The following PACRG variants were observed in gnomAD, a reference collection of about 807,000 sequenced individuals.
PACRG encodes parkin coregulated gene protein.
In PACRG, 29 loss-of-function variants were observed where a neutral mutation model predicts 29.7. The ratio of observed to expected loss-of-function variants is 0.98; its 90% CI spans 0.73 to 1.33. The LOEUF is 1.33. PACRG is among the 40% of genes most tolerant of loss of function. The pLI is 0.00. For missense variants in PACRG, 279 were observed against 316.2 expected, an observed-to-expected ratio of 0.88 and a Z score of 0.89; for synonymous variants, 116 against 118.7, an observed-to-expected ratio of 0.98 and a Z score of 0.15.
chr6:163,176,643 G>T (rs536300075), intron 4 of PACRG, among the ~76,000 whole-genome samples: 1 of 152,186 alleles, frequency 6.6e-6, no homozygotes, highest in Non-Finnish European at 1.5e-5. Context: ...CAAAGTTAAC[G>T]TATGTGGTAG....
chr6:162,978,764 C>T (rs1372068402), intron 2 of PACRG, among the ~76,000 whole-genome samples: 1 of 152,078 alleles, frequency 6.6e-6, no homozygotes, highest in Non-Finnish European at 1.5e-5. Flanking sequence ...AAATTAAACA[C>T]AGACTATATT....
chr6:162,846,762 A>AT (rs1441332037), intron 2 of PACRG, among the ~76,000 whole-genome samples: 5 of 152,208 alleles, frequency 3.3e-5, no homozygotes, highest in African/African-American at 4.8e-5. Context: ...GTGTGAAATA[A>AT]TCTTGGCAAT....
intron 3 of PACRG, among the ~76,000 whole-genome samples, chr6:163,078,459 G>A (rs771597095): frequency 1.4e-5 from 2 of 147,094 alleles, no homozygotes; most frequent in African/African-American, 5.0e-5. Context: ...GCTGCACTGC[G>A]CTCCAGCCTG....
chr6:163,082,212 T>A (rs1306739135), intron 3 of PACRG, among the ~76,000 whole-genome samples: 1 of 152,124 alleles, frequency 6.6e-6, no homozygotes, highest in African/African-American at 2.4e-5. Context: ...AGGATCTATG[T>A]GAAAAAATAC....
At chr6:163,197,665 T>G (rs770369856) in intron 4 of PACRG, among the ~76,000 whole-genome samples, 7 of 151,914 alleles carry the variant, frequency 4.6e-5, no homozygotes, top group Non-Finnish European at 1.0e-4. Flanking sequence ...TAGCCAGGAT[T>G]GTCTCGATCT....
At chr6:162,914,508 G>GTTTTTTTTTT (rs3028611) in intron 2 of PACRG, among the ~76,000 whole-genome samples, 75 of 95,090 alleles carry the variant, frequency 7.9e-4, no homozygotes, top group Non-Finnish European at 9.1e-4. Context: ...GTACTTTTTT[G>GTTTTTTTTTT]TTTTTTTTTT....
At chr6:162,901,904 C>T (rs1482335627) in intron 2 of PACRG, among the ~76,000 whole-genome samples, 1 of 152,216 alleles carries the variant, frequency 6.6e-6, no homozygotes, top group Non-Finnish European at 1.5e-5. Context: ...AATTACAGTT[C>T]CTTCCAAGGT....
chr6:162,902,409 T>C (rs1194203325), intron 2 of PACRG, among the ~76,000 whole-genome samples: 1 of 152,250 alleles, frequency 6.6e-6, no homozygotes. Context: ...GTTTACTTTC[T>C]ATGAATGACT....
At chr6:162,909,364 G>T (rs915786375) in intron 2 of PACRG, among the ~76,000 whole-genome samples, 3 of 151,924 alleles carry the variant, frequency 2.0e-5, no homozygotes, top group African/African-American at 7.3e-5. Context: ...GACCATCCTG[G>T]CTAACACGGT....
At chr6:162,980,073 C>T (rs990953409) in intron 2 of PACRG, among the ~76,000 whole-genome samples, 3 of 151,972 alleles carry the variant, frequency 2.0e-5, no homozygotes, top group South Asian at 2.1e-4. Flanking sequence ...AATAAATGGT[C>T]GATATGTTAG....
intron 2 of PACRG, among the ~76,000 whole-genome samples, chr6:162,915,418 T>C (rs1271819195): frequency 6.6e-6 from 1 of 151,976 alleles, no homozygotes; most frequent in Non-Finnish European, 1.5e-5. Context: ...AAATACAAAA[T>C]TATTCCTAGC....
chr6:163,181,159 C>T (rs1170555696), intron 4 of PACRG, among the ~76,000 whole-genome samples: 2 of 152,204 alleles, frequency 1.3e-5, no homozygotes, highest in Non-Finnish European at 2.9e-5. Flanking sequence ...TGATAACTAT[C>T]GCTGGAACCA....
At chr6:163,081,767 TG>T (rs920446678) in intron 3 of PACRG, among the ~76,000 whole-genome samples, 18 of 151,550 alleles carry the variant, frequency 1.2e-4, no homozygotes, top group East Asian at 3.9e-4. Flanking sequence ...GAAAAAAAAG[TG>T]GGGGGGAGTA....
chr6:163,118,283 T>C (rs7766922), intron 4 of PACRG, among the ~76,000 whole-genome samples: 5,223 of 152,254 alleles, frequency 0.034, 325 homozygotes, highest in African/African-American at 0.12. Context: ...ATCACCTGCT[T>C]CTGATCTGTC....
intron 2 of PACRG, among the ~76,000 whole-genome samples, chr6:162,865,402 T>C (rs921718743): frequency 2.6e-5 from 4 of 152,236 alleles, no homozygotes; most frequent in Non-Finnish European, 5.9e-5. Flanking sequence ...CATCTTAATA[T>C]AATTGACAGT....
intron 4 of PACRG, among the ~76,000 whole-genome samples, chr6:163,186,343 C>T (rs1038960137): frequency 1.3e-5 from 2 of 152,158 alleles, no homozygotes; most frequent in Non-Finnish European, 2.9e-5. Context: ...CCTCAGATTA[C>T]TGAGGGAATT....
intron 2 of PACRG, among the ~76,000 whole-genome samples, chr6:163,005,598 A>G (rs1804991378): frequency 6.6e-6 from 1 of 151,718 alleles, no homozygotes. Context: ...CCTGTTACTA[A>G]TGCTCATTTA....
chr6:162,891,070 T>C (rs1215495370), intron 2 of PACRG, among the ~76,000 whole-genome samples: 1 of 152,126 alleles, frequency 6.6e-6, no homozygotes, highest in East Asian at 1.9e-4. Context: ...CCGATACTTG[T>C]ATTTGGGGTG....
chr6:162,874,136 A>C (rs1793062796), intron 2 of PACRG, among the ~76,000 whole-genome samples: 1 of 48,244 alleles, frequency 2.1e-5, no homozygotes, highest in South Asian at 1.0e-3. Context: ...AACATGAGGG[A>C]GTTAAAAAAA....
Sources: gnomAD v4.1 joint callset for allele counts (sites outside exome capture counted in the v4.1 genomes callset) on GRCh38, gnomAD v4.1.1 for gene constraint, MANE v1.5 for transcripts, NCBI Gene and HGNC (gene_info 2026-07-23, HGNC 2026-07-21) for gene names.